The following IQSEC3 variants were observed in gnomAD, a reference collection of about 807,000 sequenced individuals.
The protein encoded by IQSEC3 is IQ motif and Sec7 domain ArfGEF 3.
In IQSEC3, 50 loss-of-function variants were observed where a neutral mutation model predicts 105.4. The ratio of observed to expected loss-of-function variants is 0.47; its 90% CI spans 0.38 to 0.60. The LOEUF (loss-of-function observed/expected upper bound fraction) is 0.60, where lower values mean the gene tolerates loss of function less well. Ranked by LOEUF, IQSEC3 falls within the 20% of genes least tolerant of loss-of-function variation. The pLI, the probability that IQSEC3 is intolerant of heterozygous loss-of-function variation, is 0.00. For missense variants in IQSEC3, 1,415 were observed against 1,630.0 expected, an observed-to-expected ratio of 0.87 and a Z score of 2.27; for synonymous variants, 708 against 746.0, an observed-to-expected ratio of 0.95 and a Z score of 0.83.
Position 165,882 on chromosome 12 carries a change from G to T in IQSEC3, c.2963G>T (p.Arg988Leu), listed in dbSNP as rs782064836. The T allele has an allele frequency of 1.9e-6, 3 of 1,613,820 alleles. No individual in the cohort carries two copies. The highest frequency in any genetic ancestry group is 1.7e-5 in the Admixed American group (1 of 59,998). Residue 988 changes from arginine to leucine, a missense_variant, in exon 11 of 14, where the codon CGA becomes CTA. Physicochemically the swap from Arg to Leu is moderately radical, Grantham distance 102. Transcript: ENST00000538872. ...GAGGTGACGGAGCTGGAGCAGATCC[G>T]AATAGAGTGTAAGGACACGGGCTCC... ...IAEVTELEQI[R>L]IEWELEKQQG... is the part of the protein sequence containing the mutation.
intron 1 of IQSEC3, among the ~76,000 whole-genome samples, chr12:97,027 G>C (rs892070615): frequency 6.6e-6 from 1 of 152,330 alleles, no homozygotes; most frequent in East Asian, 1.9e-4. Flanking sequence ...GCATCTCAGC[G>C]TGACTTTAAT....
chr12:107,131 A>G (rs1555078119), intron 2 of IQSEC3, among the ~76,000 whole-genome samples: 6 of 152,226 alleles, frequency 3.9e-5, no homozygotes, highest in Non-Finnish European at 8.8e-5. Context: ...GACACTTTCC[A>G]TAATTCCTTT....
intron 1 of IQSEC3, among the ~76,000 whole-genome samples, chr12:75,446 A>G (rs1183973462): frequency 1.3e-5 from 2 of 152,186 alleles, no homozygotes; most frequent in Non-Finnish European, 2.9e-5. Flanking sequence ...TGTAGAAGGG[A>G]TACTTTTCCA....
chr12:67,363 G>C lies in IQSEC3; in HGVS notation c.481G>C (p.Ala161Pro), dbSNP rs1349450318. 6.3e-7 allele frequency: 1 copy of C among 1,597,184 alleles called. No individual in the cohort carries two copies. The highest frequency in any genetic ancestry group is 1.3e-5 in the African/African-American group (1 of 74,792). The part of the protein sequence containing the change: ...KEKERPPSCC[A>P]AAGALLQHKS... ...GAAGGAGCGTCCCCCGAGTTGCTGC[G>C]CTGCTGCCGGAGCCCTCCTTCAGCA... Residue 161 changes from alanine (A) to proline (P), a missense_variant, in exon 1 of 14, where the codon GCT becomes CCT. Coordinates refer to ENST00000538872, the MANE Select transcript of IQSEC3 (RefSeq NM_001170738.2).
intron 2 of IQSEC3, among the ~76,000 whole-genome samples, chr12:113,668 G>A (rs911158778): frequency 4.6e-5 from 7 of 152,244 alleles, no homozygotes; most frequent in African/African-American, 1.7e-4. Flanking sequence ...AAACTCATAA[G>A]AGACTGACAT....
chr12:73,709 G>C (rs150937450), intron 1 of IQSEC3, among the ~76,000 whole-genome samples: 2 of 151,894 alleles, frequency 1.3e-5, no homozygotes, highest in Non-Finnish European at 2.9e-5. Flanking sequence ...AGAAACCAGG[G>C]CCCAAGAAAG....
At chr12:76,090 A>C (rs572175686) in intron 1 of IQSEC3, among the ~76,000 whole-genome samples, 318 of 1,852 alleles carry the variant, frequency 0.17, no homozygotes, top group East Asian at 0.47. Context: ...GTTTCATCAC[A>C]CACACACACA....
In IQSEC3 at chr12:114,143, T is replaced by A. The variant is rs1010423295; in HGVS notation, c.624-11490T>A. Among the ~76,000 whole-genome samples the A allele has an allele frequency of 5.9e-5, 9 of 152,352 alleles. No individual in the cohort carries two copies. The East Asian group carries it at 1.7e-3, about 29-fold the overall frequency. On this transcript the variant is annotated intron_variant, in intron 2 of 13. Coordinates refer to ENST00000538872, the MANE Select transcript of IQSEC3 (RefSeq NM_001170738.2). ...AAGGTGTCCAGCATCTAGTAAGGAC[T>A]GCATACGTGCTAGCTATGTTAAAGC... is the stretch of plus-strand genomic sequence containing the variant.
At chr12:171,358 C>T (rs1555100243) in intron 13 of IQSEC3, 197 bp downstream of exon 13, 1 of 1,585,008 alleles carries the variant, frequency 6.3e-7, no homozygotes, top group Non-Finnish European at 8.7e-7. Context: ...CTAATTAAGC[C>T]ACGAGCTCTT....
At chr12:134,337 A>T (rs1865689343) in intron 3 of IQSEC3, among the ~76,000 whole-genome samples, 1 of 152,212 alleles carries the variant, frequency 6.6e-6, no homozygotes, top group South Asian at 2.1e-4. Context: ...GCAAGAATTT[A>T]AAATCTGGTT....
At chr12:98,199 A>G (rs1864299425) in intron 1 of IQSEC3, among the ~76,000 whole-genome samples, 1 of 152,240 alleles carries the variant, frequency 6.6e-6, no homozygotes, top group Non-Finnish European at 1.5e-5. Flanking sequence ...ATCCAAAAGT[A>G]ATTTCAATAT....
intron 2 of IQSEC3, among the ~76,000 whole-genome samples, chr12:101,304 G>C (rs1864414263): frequency 6.6e-6 from 1 of 152,238 alleles, no homozygotes; most frequent in Non-Finnish European, 1.5e-5. Flanking sequence ...GTAGGTAGAT[G>C]TGGGGCAGGG....
intron 13 of IQSEC3, among the ~76,000 whole-genome samples, chr12:173,839 A>G (rs1053839107): frequency 6.6e-6 from 1 of 152,084 alleles, no homozygotes; most frequent in African/African-American, 2.4e-5. Flanking sequence ...AGTGACCTCC[A>G]TGGTCTGAGG....
At position 177,442 on chromosome 12, in the gene IQSEC3, T is replaced by C. The variant is rs1939273711; in HGVS notation, c.*2409T>C. On this transcript the variant is annotated 3_prime_UTR_variant, in exon 14 of 14. Transcript: ENST00000538872. This position sits in a 1 kb window ranked among gnomAD's most constrained non-coding sequence, Gnocchi z 5.3. ...TAGGGCTGGCACGCATCTGGGCCTC[T>C]AGCTGAGAACCCGGACTCTCAGGCA... The C allele has an allele frequency of 1.3e-5, 2 of 152,234 alleles. No individual in the cohort carries two copies. Among genetic ancestry groups the C allele is most frequent in the Admixed American group, 6.5e-5 (1 of 15,286 alleles). 9.4% of individuals were successfully genotyped at this position (152,234 alleles called of 1,614,324 possible).
intron 5 of IQSEC3, chr12:141,623 G>A (rs1325290184): frequency 3.7e-6 from 1 of 268,168 alleles, no homozygotes; most frequent in African/African-American, 2.2e-5. Flanking sequence ...CAGCACTGGG[G>A]TTCATCTCTG....
chr12:161,078 A>G (rs558548333), intron 7 of IQSEC3, among the ~76,000 whole-genome samples: 1 of 152,266 alleles, frequency 6.6e-6, no homozygotes, highest in South Asian at 2.1e-4. Flanking sequence ...CCAAGATCAG[A>G]CGTGGAAGAG....
At chr12:166,015 GC>G in intron 11 of IQSEC3, 125 bp downstream of exon 11, 1 of 1,047,342 alleles carries the variant, frequency 9.5e-7, no homozygotes, top group Non-Finnish European at 1.4e-6. Context: ...CCGTGTCCAG[GC>G]CCCACCGCAC....
At chr12:156,945 G>A in intron 5 of IQSEC3, 80 bp from the exon 6 acceptor site, 2 of 1,412,754 alleles carry the variant, frequency 1.4e-6, no homozygotes, top group Admixed American at 2.9e-5. Flanking sequence ...GTCCTGGCTG[G>A]GAACAGAGGC....
At chr12:109,796 C>T (rs896475970) in intron 2 of IQSEC3, among the ~76,000 whole-genome samples, 4 of 152,208 alleles carry the variant, frequency 2.6e-5, no homozygotes, top group African/African-American at 9.7e-5. Context: ...CCAGTCTTAA[C>T]TTTGGTGTCT....
Sources: allele counts gnomAD v4.1 joint callset (sites outside exome capture counted in the v4.1 genomes callset), GRCh38; gene constraint gnomAD v4.1.1; non-coding constraint Gnocchi (gnomAD v3.1); transcripts MANE v1.5; gene names NCBI Gene and HGNC (gene_info 2026-07-23, HGNC 2026-07-21).